MAD1L1: variants seen among roughly 807,000 people sequenced by gnomAD.
MAD1L1 encodes the protein mitotic arrest deficient 1 like 1.
MAD1L1 carries 95 observed loss-of-function variants against 96.9 expected under a neutral mutation model. That is an observed-to-expected ratio of 0.98 (90% CI 0.83 to 1.16). The LOEUF is 1.16. MAD1L1 is among the 50% of genes most tolerant of loss of function. The probability of loss-of-function intolerance (pLI) is 0.00; values close to 1 mark genes in which losing one functional copy is unlikely to be tolerated. For synonymous variants in MAD1L1, 473 were observed against 396.6 expected, an observed-to-expected ratio of 1.19 and a Z score of -2.29; for missense variants, 1,007 against 954.4, an observed-to-expected ratio of 1.06 and a Z score of -0.73.
chr7:1,896,521 G>C (rs184995837), intron 18 of MAD1L1, among the ~76,000 whole-genome samples: 4 of 152,328 alleles, frequency 2.6e-5, no homozygotes, highest in Admixed American at 6.5e-5. Context: ...AGTGACACAG[G>C]AGCACACACA....
intron 11 of MAD1L1, among the ~76,000 whole-genome samples, chr7:2,102,419 A>T (rs1786852688): frequency 6.7e-6 from 1 of 148,378 alleles, no homozygotes; most frequent in African/African-American, 2.5e-5. Context: ...CCATGTCACC[A>T]TCACCACTGT....
At chr7:1,858,192 C>T (rs973771229) in intron 18 of MAD1L1, among the ~76,000 whole-genome samples, 10 of 152,338 alleles carry the variant, frequency 6.6e-5, no homozygotes, top group Admixed American at 5.2e-4. Context: ...CTGGCGCGCC[C>T]GTCGGTGGCA....
At chr7:1,884,957 G>A (rs934861797) in intron 18 of MAD1L1, among the ~76,000 whole-genome samples, 11 of 152,220 alleles carry the variant, frequency 7.2e-5, no homozygotes, top group Non-Finnish European at 2.9e-5. Context: ...CCGGGAATAG[G>A]CAAAGTTCAT....
At chr7:2,136,613 C>T (rs968224883) in intron 11 of MAD1L1, among the ~76,000 whole-genome samples, 4 of 152,336 alleles carry the variant, frequency 2.6e-5, no homozygotes, top group Non-Finnish European at 4.4e-5. Context: ...CCTGCCCCTT[C>T]CAGGGGCTCC....
At chr7:2,213,294 C>G in intron 9 of MAD1L1, 21 bp from the exon 10 acceptor site, 10 of 1,611,376 alleles carry the variant, frequency 6.2e-6, no homozygotes, top group Non-Finnish European at 7.6e-6. Flanking sequence ...AACAAAAGCA[C>G]AGACCCTGTC....
intron 12 of MAD1L1, among the ~76,000 whole-genome samples, chr7:2,016,959 C>A (rs529743290): frequency 8.5e-5 from 13 of 152,260 alleles, no homozygotes. Context: ...AAGGCCGGGG[C>A]GGGGGACTTC....
chr7:2,201,180 G>A (rs1158506587), intron 10 of MAD1L1, among the ~76,000 whole-genome samples: 3 of 152,134 alleles, frequency 2.0e-5, no homozygotes, highest in Non-Finnish European at 2.9e-5. Context: ...CCAGCTCTCC[G>A]AAGGCCATGG....
chr7:1,905,550 G>A (rs1430515810), intron 17 of MAD1L1, among the ~76,000 whole-genome samples: 1 of 152,160 alleles, frequency 6.6e-6, no homozygotes, highest in East Asian at 1.9e-4. Flanking sequence ...AGACGCTCTT[G>A]TGGAACTCAT....
At chr7:2,220,893 G>A (rs755900600) in intron 5 of MAD1L1, 2 of 1,610,512 alleles carry the variant, frequency 1.2e-6, no homozygotes, top group South Asian at 2.2e-5. Context: ...CCGTGTGCCA[G>A]GGGCAAGGCC....
chr7:1,907,029 A>G (rs1562511857), intron 17 of MAD1L1, among the ~76,000 whole-genome samples: 1 of 152,200 alleles, frequency 6.6e-6, no homozygotes, highest in East Asian at 1.9e-4. Flanking sequence ...CCCGCCCCCA[A>G]GCCCCCAACC....
chr7:1,886,389 C>A (rs528166730), intron 18 of MAD1L1, among the ~76,000 whole-genome samples: 22 of 152,252 alleles, frequency 1.4e-4, no homozygotes, highest in Non-Finnish European at 2.4e-4. Context: ...GGCAGCAAAG[C>A]GGATGCTTCA....
chr7:2,183,483 C>T (rs1257082327), intron 10 of MAD1L1, among the ~76,000 whole-genome samples: 1 of 152,108 alleles, frequency 6.6e-6, no homozygotes, highest in Non-Finnish European at 1.5e-5. Context: ...TTCACAATAG[C>T]AAAGACTTGG....
rs57306853 is a variant in MAD1L1, at chr7:1,849,047, TACACACACACACAC to T, written c.1999-32833_1999-32820del. Reference sequence around the variant, plus strand: ...CTGTTTGTGAGCACGGGTGTACATGTACACACACACACACACACACACACACAAATGCACATGCA... The same window carrying T: ...CTGTTTGTGAGCACGGGTGTACATGTACACACACACACAAATGCACATGCA... On this transcript the variant is annotated intron_variant, in intron 18 of 18. Coordinates refer to ENST00000265854, the MANE Select transcript of MAD1L1 (RefSeq NM_001013836.2). The T allele has an allele frequency of 1.2e-3, 181 of 148,490 alleles. 2 individuals are homozygous for T. Among genetic ancestry groups the T allele is most frequent in the African/African-American group, 4.3e-3 (173 of 39,896 alleles). The allele number at this position is 148,490 out of a possible 1,614,324, so 9.2% of individuals were successfully genotyped here.
chr7:2,179,295 C>T (rs1005759120), intron 10 of MAD1L1, among the ~76,000 whole-genome samples: 5 of 151,826 alleles, frequency 3.3e-5, no homozygotes, highest in Admixed American at 1.3e-4. Flanking sequence ...TTTGGGAGGC[C>T]GAGGCACATG....
At chr7:2,087,761 G>A (rs58754052) in intron 11 of MAD1L1, among the ~76,000 whole-genome samples, 140 of 152,322 alleles carry the variant, frequency 9.2e-4, no homozygotes, top group African/African-American at 3.2e-3. Flanking sequence ...ATGGCCAGGA[G>A]CAGGGACTGG....
At chr7:2,178,167 A>C (rs998015969) in intron 10 of MAD1L1, among the ~76,000 whole-genome samples, 2 of 152,238 alleles carry the variant, frequency 1.3e-5, no homozygotes, top group Non-Finnish European at 2.9e-5. Flanking sequence ...TTTAACCTAC[A>C]ACAATTTGTT....
chr7:2,053,172 T>C (rs553074063), intron 12 of MAD1L1, among the ~76,000 whole-genome samples: 6 of 152,214 alleles, frequency 3.9e-5, no homozygotes, highest in African/African-American at 1.4e-4. Flanking sequence ...ATTGCTGACA[T>C]TAGCTCAGGC....
rs112150569 is a variant in MAD1L1, at chr7:2,146,852, G to A, written c.1073+2300C>T. Among the ~76,000 whole-genome samples, 7 of 152,168 alleles carry A rather than the reference G, an allele frequency of 4.6e-5. No individual in the cohort carries two copies. The highest frequency in any genetic ancestry group is 2.1e-4 in the South Asian group (1 of 4,826). ...GTGCGAGGCTCCCTGACCCCGCCAC[G>A]GCAGGCCGCGACGAACACGGTGTCC... is the stretch of plus-strand genomic sequence containing the variant. On this transcript the variant is annotated intron_variant, in intron 11 of 18. Coordinates refer to ENST00000265854, the MANE Select transcript of MAD1L1 (RefSeq NM_001013836.2). The surrounding 1 kb of genome is among the most constrained non-coding windows in gnomAD (Gnocchi z 6.2).
chr7:2,015,707 T>C (rs1035184527), intron 12 of MAD1L1, among the ~76,000 whole-genome samples: 8 of 152,182 alleles, frequency 5.3e-5, no homozygotes, highest in African/African-American at 1.7e-4. Context: ...CTCCTGCCTG[T>C]CCGCCCTGCG....
Sources: gnomAD v4.1 joint callset for allele counts (sites outside exome capture counted in the v4.1 genomes callset) on GRCh38, gnomAD v4.1.1 for gene constraint, Gnocchi (gnomAD v3.1) non-coding constraint, MANE v1.5 for transcripts, NCBI Gene and HGNC (gene_info 2026-07-23, HGNC 2026-07-21) for gene names.